Variants in PCSK2 observed in about 807,000 individuals in gnomAD.
PCSK2 encodes neuroendocrine convertase 2.
PCSK2 carries 14 observed loss-of-function variants against 69.7 expected under a neutral mutation model. The ratio of observed to expected loss-of-function variants is 0.20; its 90% CI spans 0.13 to 0.31. The LOEUF (loss-of-function observed/expected upper bound fraction) is 0.31. Among genes scored for constraint, PCSK2 ranks in the 10% least tolerant of loss-of-function variants. The pLI, the probability that PCSK2 is intolerant of heterozygous loss-of-function variation, is 1.00. For synonymous variants in PCSK2, 307 were observed against 320.7 expected (o/e 0.96, Z 0.46); for missense variants, 544 against 842.5 (o/e 0.65, Z 4.39).
In PCSK2 at chr20:17,232,360, C is replaced by G. The variant is rs148050086; in HGVS notation, c.177+4878C>G. Reference sequence around the variant, plus strand: ...ACACTAGATATTTTACATCTGTTTTCTTTTAGCCATTCTGGTGGTATGTAG... The same window carrying G: ...ACACTAGATATTTTACATCTGTTTTGTTTTAGCCATTCTGGTGGTATGTAG... On this transcript the variant is annotated intron_variant, in intron 1 of 11. Transcript: ENST00000262545. Among the ~76,000 whole-genome samples the G allele has an allele frequency of 2.0e-4, 30 of 152,322 alleles. 2 individuals are homozygous for G. The East Asian group carries it at 5.8e-3, about 29-fold the overall frequency.
At chr20:17,243,615 A>G (rs117933331) in intron 1 of PCSK2, among the ~76,000 whole-genome samples, 2 of 152,334 alleles carry the variant, frequency 1.3e-5, no homozygotes, top group East Asian at 3.9e-4. Context: ...TGTACCCACA[A>G]TTATGTCTTG....
chr20:17,373,924 T>C (rs945946017), intron 5 of PCSK2, among the ~76,000 whole-genome samples: 5 of 152,258 alleles, frequency 3.3e-5, no homozygotes, highest in African/African-American at 4.8e-5. Flanking sequence ...TCTATTGTTC[T>C]ATGATTGAAT....
At chr20:17,270,704 T>C (rs1987827703) in intron 2 of PCSK2, among the ~76,000 whole-genome samples, 1 of 152,102 alleles carries the variant, frequency 6.6e-6, no homozygotes, top group Non-Finnish European at 1.5e-5. Flanking sequence ...AAGGACAACT[T>C]AGAGAATCAA....
chr20:17,422,874 A>C (rs573857830), intron 6 of PCSK2, among the ~76,000 whole-genome samples: 1 of 152,352 alleles, frequency 6.6e-6, no homozygotes, highest in South Asian at 2.1e-4. Context: ...AATAAAAACA[A>C]TAAGGAAATG....
At chr20:17,346,858 T>C (rs1021599946) in intron 2 of PCSK2, among the ~76,000 whole-genome samples, 1 of 152,090 alleles carries the variant, frequency 6.6e-6, no homozygotes, top group Admixed American at 6.5e-5. Context: ...TTCCAACCAA[T>C]ATAGAAGCTG....
intron 6 of PCSK2, among the ~76,000 whole-genome samples, chr20:17,410,511 A>C (rs1251201591): frequency 6.6e-6 from 1 of 152,232 alleles, no homozygotes; most frequent in Non-Finnish European, 1.5e-5. Flanking sequence ...AAGAAAAAAG[A>C]AAATGAAATT....
At chr20:17,378,112 A>G (rs982553283) in intron 5 of PCSK2, among the ~76,000 whole-genome samples, 3 of 152,222 alleles carry the variant, frequency 2.0e-5, no homozygotes, top group East Asian at 3.8e-4. Flanking sequence ...ATATAATTAC[A>G]TTATAATATG....
chr20:17,373,315 C>T (rs2030828825), intron 5 of PCSK2, among the ~76,000 whole-genome samples: 2 of 152,262 alleles, frequency 1.3e-5, no homozygotes, highest in South Asian at 4.2e-4. Context: ...AATATGTGAG[C>T]CAGAGTGATC....
At chr20:17,372,688 A>G (rs891132905) in intron 5 of PCSK2, among the ~76,000 whole-genome samples, 3 of 152,152 alleles carry the variant, frequency 2.0e-5, no homozygotes, top group African/African-American at 7.2e-5. Context: ...ATGAAATTAT[A>G]TATATTTACA....
intron 8 of PCSK2, among the ~76,000 whole-genome samples, chr20:17,437,464 G>A (rs921237346): frequency 6.6e-6 from 1 of 152,170 alleles, no homozygotes; most frequent in African/African-American, 2.4e-5. Flanking sequence ...ATAGGGAGGG[G>A]AAGGGGGCCC....
chr20:17,228,949 C>G (rs563370582), intron 1 of PCSK2, among the ~76,000 whole-genome samples: 1 of 152,140 alleles, frequency 6.6e-6, no homozygotes, highest in Admixed American at 6.5e-5. Context: ...AGGGAGCACC[C>G]CGCTGTGGTT....
chr20:17,453,934 A>T lies in PCSK2; in HGVS notation c.1078A>T (p.Lys360Ter). The change falls in exon 9 of 12, where the codon AAA (lysine) becomes TAA (stop). Residue 360 changes from lysine (K) to a stop codon, truncating the protein, a stop_gained. Coordinates refer to ENST00000262545, the MANE Select transcript of PCSK2 (RefSeq NM_002594.5). LOFTEE classifies it high-confidence loss of function. This position sits in a 1 kb window ranked among gnomAD's most constrained non-coding sequence, Gnocchi z 4.0. ...GGCTTCCACCTTCAGCAACGGGAGG[A>T]AAAGGAACCCCGAGGCCGGTGTGGT... ...TLASTFSNGR[K>*]RNPEAGVATT... The T allele has an allele frequency of 6.2e-7, 1 of 1,614,126 alleles. No homozygotes were observed. Among genetic ancestry groups the T allele is most frequent in the Non-Finnish European group, 8.5e-7 (1 of 1,179,964 alleles).
At chr20:17,319,502 T>G (rs954147210) in intron 2 of PCSK2, among the ~76,000 whole-genome samples, 8 of 152,230 alleles carry the variant, frequency 5.3e-5, no homozygotes, top group African/African-American at 1.9e-4. Flanking sequence ...AGCCCAAGAT[T>G]GTTCACATGC....
intron 11 of PCSK2, among the ~76,000 whole-genome samples, chr20:17,474,070 C>G (rs80235455): frequency 0.012 from 1,878 of 152,256 alleles, 45 homozygotes; most frequent in African/African-American, 0.043. Context: ...CCTGAGATGA[C>G]CTTCAGGCAC....
chr20:17,464,669 G>A (rs558215982), intron 10 of PCSK2: 2 of 152,488 alleles, frequency 1.3e-5, no homozygotes, highest in East Asian at 3.9e-4. Flanking sequence ...TCTCTTTTCT[G>A]CCTGGCTTCT....
intron 8 of PCSK2, among the ~76,000 whole-genome samples, chr20:17,448,345 C>T (rs76915484): frequency 0.022 from 3,283 of 152,246 alleles, 129 homozygotes; most frequent in African/African-American, 0.075. Flanking sequence ...GTAGGCAATG[C>T]GCTGGGGACA....
At chr20:17,432,816 T>C (rs1402438627) in intron 7 of PCSK2, among the ~76,000 whole-genome samples, 2 of 152,252 alleles carry the variant, frequency 1.3e-5, no homozygotes, top group East Asian at 1.9e-4. Context: ...CCATAGTTAC[T>C]GTGGGCACCT....
chr20:17,415,205 G>A (rs2031972266), intron 6 of PCSK2, among the ~76,000 whole-genome samples: 2 of 152,174 alleles, frequency 1.3e-5, no homozygotes, highest in African/African-American at 4.8e-5. Context: ...GCAAGAGAAA[G>A]AAATAACGGT....
At chr20:17,394,515 G>A (rs1042892214) in intron 5 of PCSK2, among the ~76,000 whole-genome samples, 48 of 152,296 alleles carry the variant, frequency 3.2e-4, no homozygotes, top group African/African-American at 1.1e-3. Flanking sequence ...AGTGTCATGT[G>A]AGGAGAGGAC....
Sources: allele counts gnomAD v4.1 joint callset (sites outside exome capture counted in the v4.1 genomes callset), GRCh38; gene constraint gnomAD v4.1.1; non-coding constraint Gnocchi (gnomAD v3.1); transcripts MANE v1.5; gene names NCBI Gene and HGNC (gene_info 2026-07-23, HGNC 2026-07-21).